The following PI4KB variants were observed in gnomAD, a reference collection of about 807,000 sequenced individuals.
The protein encoded by PI4KB is PtdIns 4-kinase beta.
PI4KB carries 23 observed loss-of-function variants against 81.4 expected under a neutral mutation model. That is an observed-to-expected ratio of 0.28 (90% CI 0.20 to 0.40). PI4KB has a LOEUF of 0.40. PI4KB is among the 10% of genes least tolerant of loss of function. The pLI, the probability that PI4KB is intolerant of heterozygous loss-of-function variation, is 1.00. For missense variants in PI4KB, 651 were observed against 1,036.6 expected (o/e 0.63, Z 5.11); for synonymous variants, 381 against 406.8 (o/e 0.94, Z 0.76).
rs587594134 is a variant in PI4KB, at chr1:151,313,310, T to G, written c.909+2263A>C. Among the ~76,000 whole-genome samples the G allele has an allele frequency of 3.9e-5, 6 of 152,302 alleles. No homozygotes were observed. The South Asian group carries it at 1.2e-3, about 32-fold the overall frequency. On this transcript the variant is annotated intron_variant, in intron 2 of 11. Transcript: ENST00000368873. ...AGTGACCCAAGATAAGGAGTCAGGT[T>G]GGAAGAACGGCAGCTACAGAACCCA...
intron 1 of PI4KB, chr1:151,326,058 A>T: frequency 9.5e-7 from 1 of 1,048,942 alleles, no homozygotes; most frequent in South Asian, 1.3e-5. Context: ...ATTCTAGTAA[A>T]CCACAAGAAT....
chr1:151,301,522 G>A (rs994937630), intron 8 of PI4KB, among the ~76,000 whole-genome samples: 3 of 151,934 alleles, frequency 2.0e-5, no homozygotes, highest in African/African-American at 2.4e-5. Context: ...CTCAGCCTCC[G>A]GAGTAGCTGG....
rs1696102753 is a variant in PI4KB, at chr1:151,310,205, A to G, written c.954+6T>C. ...TGCCACCCCGTCCCAGCCTGGCCCC[A>G]CTTACGGAACTGAATGAATTATCAA... On this transcript the variant is annotated splice_donor_region_variant and intron_variant, in intron 3 of 11. Coordinates refer to ENST00000368873, the MANE Select transcript of PI4KB (RefSeq NM_001369623.2). The G allele has an allele frequency of 6.8e-6, 11 of 1,607,330 alleles. No individual in the cohort carries two copies. The highest frequency in any genetic ancestry group is 1.7e-5 in the Admixed American group (1 of 59,704).
chr1:151,325,432 T>C (rs896302624), intron 1 of PI4KB, among the ~76,000 whole-genome samples: 1 of 152,180 alleles, frequency 6.6e-6, no homozygotes, highest in South Asian at 2.1e-4. Context: ...CACGTGCCCT[T>C]TCGCTATCAC....
chr1:151,311,340 A>C (rs1285794411), intron 2 of PI4KB, among the ~76,000 whole-genome samples: 1 of 152,194 alleles, frequency 6.6e-6, no homozygotes, highest in East Asian at 1.9e-4. Context: ...GGCAGTGGTG[A>C]GTTTCTACTC....
rs759623550 is a variant in PI4KB, at chr1:151,299,091, G to A, written c.1750-18C>T. 1.2e-6 allele frequency: 2 copies of A among 1,610,770 alleles called. No homozygotes were observed. Among genetic ancestry groups the A allele is most frequent in the South Asian group, 1.1e-5 (1 of 91,014 alleles). On this transcript the variant is annotated intron_variant, in intron 8 of 11. Coordinates refer to ENST00000368873, the MANE Select transcript of PI4KB (RefSeq NM_001369623.2). ...CAAATGGACTGTGAGGAGACATGGA[G>A]GATACAGGACTCTTATCTTTCTCCA...
chr1:151,299,486 A>G (rs1202081597), intron 8 of PI4KB, among the ~76,000 whole-genome samples: 1 of 152,202 alleles, frequency 6.6e-6, no homozygotes, highest in Non-Finnish European at 1.5e-5. Context: ...GTTCAAGACC[A>G]GCCTGGCCAA....
chr1:151,295,450 G>A (rs1571131437), intron 9 of PI4KB, among the ~76,000 whole-genome samples: 1 of 152,330 alleles, frequency 6.6e-6, no homozygotes, highest in East Asian at 1.9e-4. Context: ...AATGGTTCTA[G>A]GAGTTGTCAT....
Position 151,302,252 on chromosome 1 carries a change from G to A in PI4KB, c.1567C>T (p.Arg523Ter). ...ACTGCAGAAGGATCTTCTGGGTCTC[G>A]TTTGAAGGCTGTCGGGGTATGAGCC... Reference protein sequence around the residue: ...QLAHTPTAFKRDPEDPSAVAL... With the variant: ...QLAHTPTAFK Residue 523 changes from arginine to a stop codon, truncating the protein, a stop_gained, in exon 7 of 12, where the codon CGA (arginine) becomes TGA (stop). Coordinates refer to ENST00000368873, the MANE Select transcript of PI4KB (RefSeq NM_001369623.2). LOFTEE classifies it high-confidence loss of function. 1.2e-6 allele frequency: 2 copies of A among 1,614,188 alleles called. No homozygotes were observed. The highest frequency in any genetic ancestry group is 1.7e-6 in the Non-Finnish European group (2 of 1,180,008).
intron 11 of PI4KB, 137 bp from the exon 12 acceptor site, chr1:151,293,170 C>T (rs1316254749): frequency 3.4e-6 from 5 of 1,486,638 alleles, no homozygotes; most frequent in Middle Eastern, 2.1e-4. Flanking sequence ...GGGTGCAGTT[C>T]TGCTTGGGCA....
intron 1 of PI4KB, among the ~76,000 whole-genome samples, chr1:151,318,532 G>C (rs192129010): frequency 0.023 from 3,454 of 151,826 alleles, 57 homozygotes; most frequent in Non-Finnish European, 0.036. Context: ...GACCAACATG[G>C]AGAAACCTCG....
chr1:151,309,441 G>C (rs1187890949), intron 3 of PI4KB, among the ~76,000 whole-genome samples: 1 of 152,108 alleles, frequency 6.6e-6, no homozygotes, highest in African/African-American at 2.4e-5. Flanking sequence ...GATTAGCACA[G>C]AACAGAGAAA....
rs1197998547 is a variant in PI4KB at position 151,310,272 on chromosome 1, G to T, written c.910-17C>A. On this transcript the variant is annotated splice_polypyrimidine_tract_variant and intron_variant, in intron 2 of 11. Coordinates refer to ENST00000368873, the MANE Select transcript of PI4KB (RefSeq NM_001369623.2). The stretch of plus-strand genomic sequence containing the variant: ...GGAGAGCTCCTGGGAAAGGGCCAGA[G>T]GGCAAAGGGAGAAGGAGGGGGTGGG... The T allele has an allele frequency of 6.4e-7, 1 of 1,568,602 alleles. No homozygotes were observed. Among genetic ancestry groups the T allele is most frequent in the South Asian group, 1.1e-5 (1 of 87,354 alleles).
chr1:151,321,437 T>A (rs1331287910), intron 1 of PI4KB, among the ~76,000 whole-genome samples: 1 of 151,968 alleles, frequency 6.6e-6, no homozygotes, highest in East Asian at 2.0e-4. Context: ...TGGAGTGGAG[T>A]GCAGTGGCGC....
At chr1:151,310,599 C>T (rs188568429) in intron 2 of PI4KB, among the ~76,000 whole-genome samples, 4 of 152,280 alleles carry the variant, frequency 2.6e-5, no homozygotes, top group South Asian at 2.1e-4. Context: ...ACTGCACTGC[C>T]AAGCTTCCCT....
At chr1:151,318,444 G>A (rs867749285) in intron 1 of PI4KB, among the ~76,000 whole-genome samples, 1 of 150,432 alleles carries the variant, frequency 6.6e-6, no homozygotes, top group South Asian at 2.1e-4. Flanking sequence ...CGGGCGCGGT[G>A]GCTCACGCCT....
chr1:151,314,234 C>G (rs1325623733), intron 2 of PI4KB, among the ~76,000 whole-genome samples: 1 of 152,246 alleles, frequency 6.6e-6, no homozygotes, highest in Non-Finnish European at 1.5e-5. Context: ...GAGGCAGATG[C>G]CAAGACCATA....
rs1357634358 is a variant in PI4KB, at chr1:151,316,163, C to G, written c.319G>C (p.Ala107Pro). The G allele has an allele frequency of 6.2e-7, 1 of 1,613,908 alleles. No individual in the cohort carries two copies. The highest frequency in any genetic ancestry group is 8.5e-7 in the Non-Finnish European group (1 of 1,179,860). ...IREEEDEMGA[A>P]VASGTAKGAR... Reference sequence around the variant, plus strand: ...CCTTTGGCTGTGCCTGAGGCCACAGCGGCCCCCATCTCATCTTCCTCCTCC... The same window carrying G: ...CCTTTGGCTGTGCCTGAGGCCACAGGGGCCCCCATCTCATCTTCCTCCTCC... The change falls in exon 2 of 12, where the codon GCT (alanine) becomes CCT (proline). Residue 107 changes from alanine to proline, a missense_variant. Ala to Pro is a conservative substitution (Grantham distance 27). Around this residue, in one of 5 missense-constraint regions of PI4KB, gnomAD observed 314 missense variants for 397.8 expected, o/e 0.79. Coordinates refer to ENST00000368873, the MANE Select transcript of PI4KB (RefSeq NM_001369623.2).
chr1:151,323,065 G>A (rs1649075793), intron 1 of PI4KB, among the ~76,000 whole-genome samples: 1 of 152,056 alleles, frequency 6.6e-6, no homozygotes, highest in African/African-American at 2.4e-5. Context: ...AAAAGTTAAT[G>A]GAAAAGAAAG....
Sources: gnomAD v4.1 joint callset for allele counts (sites outside exome capture counted in the v4.1 genomes callset) on GRCh38, gnomAD v4.1.1 for gene constraint, gnomAD v4.1.1 regional missense constraint, MANE v1.5 for transcripts, NCBI Gene and HGNC (gene_info 2026-07-23, HGNC 2026-07-21) for gene names.